The following CACNA1D variants were observed in gnomAD, a reference collection of about 807,000 sequenced individuals.
The protein encoded by CACNA1D is voltage-dependent L-type calcium channel subunit alpha-1D.
Under a neutral mutation model 257.1 loss-of-function variants are expected in CACNA1D, and 55 were observed. The observed-to-expected ratio is 0.21, with a 90% CI of 0.17 to 0.27. The LOEUF (loss-of-function observed/expected upper bound fraction) is 0.27, where lower values mean the gene tolerates loss of function less well. Ranked by LOEUF, CACNA1D falls within the 10% of genes least tolerant of loss-of-function variation. The probability of loss-of-function intolerance (pLI) is 1.00; values close to 1 mark genes in which losing one functional copy is unlikely to be tolerated. For synonymous variants in CACNA1D, 980 were observed against 1,014.9 expected (o/e 0.97, Z 0.65); for missense variants, 1,876 against 2,784.0 (o/e 0.67, Z 7.34).
chr3:53,803,608 C>T (rs770319748), intron 44 of CACNA1D, 36 bp downstream of exon 44: 67 of 1,608,530 alleles, frequency 4.2e-5, no homozygotes, highest in African/African-American at 6.7e-5. Flanking sequence ...AGCGGGAGGC[C>T]GCCCTGCCCT....
At chr3:53,794,185 C>G (rs528106949) in intron 40 of CACNA1D, among the ~76,000 whole-genome samples, 1 of 152,138 alleles carries the variant, frequency 6.6e-6, no homozygotes, top group African/African-American at 2.4e-5. Context: ...AGTGATGTGA[C>G]GTAGTAGTAA....
At chr3:53,801,591 C>CT (rs899534745) in intron 42 of CACNA1D, among the ~76,000 whole-genome samples, 166 bp downstream of exon 42, 2 of 152,190 alleles carry the variant, frequency 1.3e-5, no homozygotes, top group Non-Finnish European at 2.9e-5. Context: ...ACTGCTGCCT[C>CT]TGACACTCTC....
intron 7 of CACNA1D, among the ~76,000 whole-genome samples, chr3:53,668,298 C>T (rs920912286): frequency 2.0e-5 from 3 of 152,100 alleles, no homozygotes; most frequent in Non-Finnish European, 4.4e-5. Context: ...CAGAATTTTC[C>T]TGTTGCCAAG....
At chr3:53,634,632 T>A (rs1381279907) in intron 3 of CACNA1D, among the ~76,000 whole-genome samples, 2 of 152,204 alleles carry the variant, frequency 1.3e-5, no homozygotes, top group African/African-American at 4.8e-5. Context: ...GAGGTACCCC[T>A]GTGCGAGAGC....
intron 3 of CACNA1D, among the ~76,000 whole-genome samples, chr3:53,585,819 T>C (rs2093205664): frequency 6.6e-6 from 1 of 152,026 alleles, no homozygotes; most frequent in Admixed American, 6.5e-5. Context: ...AACTTCCCAG[T>C]AAGGGAGGCA....
intron 3 of CACNA1D, among the ~76,000 whole-genome samples, chr3:53,640,668 A>G (rs1043216413): frequency 4.6e-5 from 7 of 152,184 alleles, no homozygotes; most frequent in African/African-American, 1.4e-4. Context: ...TTGGTGCTCA[A>G]TTGTTTGTTG....
At position 53,810,744 on chromosome 3, in the gene CACNA1D, C is replaced by G. The variant is rs183750669; in HGVS notation, c.6193-369C>G. ...CTGCACTCCAGCCTGGGCCACAGAG[C>G]GAGACTCTTGTCTCAAAAAAAAAAA... is the stretch of plus-strand genomic sequence containing the variant. On this transcript the variant is annotated intron_variant, in intron 47 of 47. Transcript: ENST00000350061. Among the ~76,000 whole-genome samples the G allele has an allele frequency of 5.8e-3, 603 of 104,362 alleles. 4 individuals are homozygous for G. Among genetic ancestry groups the G allele is most frequent in the African/African-American group, 0.021 (529 of 24,644 alleles). 68.5% of individuals were successfully genotyped at this position (104,362 alleles called of 152,430 possible).
At chr3:53,732,698 A>T in intron 18 of CACNA1D, 117 bp from the exon 19 acceptor site, 1 of 929,620 alleles carries the variant, frequency 1.1e-6, no homozygotes, top group Non-Finnish European at 1.8e-6. Flanking sequence ...GTTTTGATTC[A>T]TGTAAGCAGG....
chr3:53,648,760 A>T (rs2094051099), intron 3 of CACNA1D, among the ~76,000 whole-genome samples: 1 of 152,016 alleles, frequency 6.6e-6, no homozygotes, highest in African/African-American at 2.4e-5. Flanking sequence ...GGGCATGAGT[A>T]TAGAGGTTGG....
chr3:53,514,268 AG>A (rs2091243541), intron 3 of CACNA1D, among the ~76,000 whole-genome samples: 1 of 151,832 alleles, frequency 6.6e-6, no homozygotes, highest in Non-Finnish European at 1.5e-5. Context: ...AGGCCATGAA[AG>A]GGAGTCCAGG....
At chr3:53,798,812 G>A (rs1480429761) in intron 40 of CACNA1D, among the ~76,000 whole-genome samples, 1 of 152,100 alleles carries the variant, frequency 6.6e-6, no homozygotes, top group East Asian at 1.9e-4. Context: ...CAGACCAGTG[G>A]GACCCAGCCC....
At chr3:53,663,146 C>T (rs2094221973) in intron 5 of CACNA1D, among the ~76,000 whole-genome samples, 1 of 152,190 alleles carries the variant, frequency 6.6e-6, no homozygotes, top group Non-Finnish European at 1.5e-5. Context: ...TCTTACTGCT[C>T]TTCCCTCACC....
intron 3 of CACNA1D, among the ~76,000 whole-genome samples, chr3:53,595,843 G>A (rs540068900): frequency 2.6e-5 from 4 of 152,282 alleles, no homozygotes; most frequent in Admixed American, 6.5e-5. Context: ...TTGATCATAA[G>A]GCATTTTGTG....
intron 3 of CACNA1D, among the ~76,000 whole-genome samples, chr3:53,544,819 T>G (rs985845230): frequency 6.6e-6 from 1 of 152,232 alleles, no homozygotes; most frequent in Non-Finnish European, 1.5e-5. Flanking sequence ...ATCTTAGCTG[T>G]GCTACTCTCA....
chr3:53,514,529 A>G (rs976405994), intron 3 of CACNA1D, among the ~76,000 whole-genome samples: 1 of 152,132 alleles, frequency 6.6e-6, no homozygotes, highest in African/African-American at 2.4e-5. Context: ...TGACTGGGTC[A>G]AGCCCTTTCT....
chr3:53,791,046 C>T (rs774939829), intron 40 of CACNA1D: 5 of 702,158 alleles, frequency 7.1e-6, no homozygotes, highest in South Asian at 3.0e-5. Flanking sequence ...AGTCGGAAGG[C>T]GTTTGTGGCT....
At chr3:53,686,881 TAGAA>T (rs1375253006) in intron 8 of CACNA1D, among the ~76,000 whole-genome samples, 1 of 152,012 alleles carries the variant, frequency 6.6e-6, no homozygotes, top group Non-Finnish European at 1.5e-5. Flanking sequence ...ATTGTCTACA[TAGAA>T]AGTCCCAATA....
chr3:53,514,855 A>AT (rs1030652403), intron 3 of CACNA1D, among the ~76,000 whole-genome samples: 8 of 152,256 alleles, frequency 5.3e-5, no homozygotes, highest in Non-Finnish European at 1.0e-4. Flanking sequence ...TTCTAAAGCC[A>AT]TTTTTTTAGG....
intron 3 of CACNA1D, among the ~76,000 whole-genome samples, chr3:53,595,549 C>T (rs749284154): frequency 3.3e-5 from 5 of 152,180 alleles, no homozygotes; most frequent in Non-Finnish European, 7.4e-5. Flanking sequence ...TATTCAACAT[C>T]TGGGATTGCT....
Sources: gnomAD v4.1 joint callset for allele counts (sites outside exome capture counted in the v4.1 genomes callset) on GRCh38, gnomAD v4.1.1 for gene constraint, MANE v1.5 for transcripts, NCBI Gene and HGNC (gene_info 2026-07-23, HGNC 2026-07-21) for gene names.